Variants in ABTB3 observed in about 807,000 individuals in gnomAD.
ABTB3 encodes ankyrin repeat and BTB domain containing 3.
the ABTB3 span, among the ~76,000 whole-genome samples, chr12:107,534,179 C>T: frequency 3.6e-3 from 536 of 150,718 alleles, 1 homozygote; most frequent in Non-Finnish European, 5.9e-3. Flanking sequence ...CACTTCGTTC[C>T]AGCCTGGGTA....
chr12:107,435,798 AT>A, the ABTB3 span, among the ~76,000 whole-genome samples: 1 of 152,174 alleles, frequency 6.6e-6, no homozygotes, highest in South Asian at 2.1e-4. Context: ...CTGAAGTGGA[AT>A]TACAGGACCA....
chr12:107,626,086 T>C, the ABTB3 span, among the ~76,000 whole-genome samples: 1 of 152,064 alleles, frequency 6.6e-6, no homozygotes, highest in Non-Finnish European at 1.5e-5. Flanking sequence ...CAATGTCAAG[T>C]ATGGGATGAT....
the ABTB3 span, among the ~76,000 whole-genome samples, chr12:107,573,173 T>A: frequency 6.6e-6 from 1 of 152,204 alleles, no homozygotes; most frequent in African/African-American, 2.4e-5. Context: ...GTATTGTGCA[T>A]AATCAGGGTG....
At chr12:107,649,129 T>G in the ABTB3 span, 1 of 1,340,974 alleles carries the variant, frequency 7.5e-7, no homozygotes. Flanking sequence ...GAACTAAGCC[T>G]GAGTTGGGGC....
At chr12:107,549,954 T>G in the ABTB3 span, among the ~76,000 whole-genome samples, 1 of 152,186 alleles carries the variant, frequency 6.6e-6, no homozygotes, top group Non-Finnish European at 1.5e-5. Flanking sequence ...CAATCACCCA[T>G]GTAGATCTCA....
At chr12:107,651,538 C>G in the ABTB3 span, 1 of 573,738 alleles carries the variant, frequency 1.7e-6, no homozygotes, top group Non-Finnish European at 3.2e-6. Flanking sequence ...TACCTTTGTG[C>G]ATCATTTCCC....
At chr12:107,510,170 A>G in the ABTB3 span, among the ~76,000 whole-genome samples, 12 of 152,240 alleles carry the variant, frequency 7.9e-5, no homozygotes, top group East Asian at 9.7e-4. Flanking sequence ...GCTGCACCCC[A>G]GCTGCTTCCT....
chr12:107,358,595 A>G, the ABTB3 span, among the ~76,000 whole-genome samples: 1 of 132,890 alleles, frequency 7.5e-6, no homozygotes, highest in African/African-American at 2.6e-5. Context: ...TCCACCATCT[A>G]TTTGTTTTTT....
the ABTB3 span, among the ~76,000 whole-genome samples, chr12:107,425,697 T>C: frequency 3.3e-5 from 5 of 152,182 alleles, no homozygotes; most frequent in Non-Finnish European, 5.9e-5. Flanking sequence ...TCAGATCTTA[T>C]CAGATCACTC....
chr12:107,516,424 G>A, the ABTB3 span, among the ~76,000 whole-genome samples: 1 of 152,022 alleles, frequency 6.6e-6, no homozygotes, highest in Non-Finnish European at 1.5e-5. Flanking sequence ...TAGAGACGGG[G>A]TTTCACCATG....
the ABTB3 span, among the ~76,000 whole-genome samples, chr12:107,448,232 A>C: frequency 1.3e-3 from 197 of 152,336 alleles, 1 homozygote; most frequent in African/African-American, 2.2e-3. Flanking sequence ...AAAAATGAGG[A>C]TCTTTCAAGG....
chr12:107,484,635 C>T, the ABTB3 span, among the ~76,000 whole-genome samples: 1 of 149,732 alleles, frequency 6.7e-6, no homozygotes, highest in Non-Finnish European at 1.5e-5. Context: ...CTGGTTGTTG[C>T]ATTGAGAATA....
At chr12:107,370,220 C>T in the ABTB3 span, among the ~76,000 whole-genome samples, 1 of 152,216 alleles carries the variant, frequency 6.6e-6, no homozygotes, top group Non-Finnish European at 1.5e-5. Flanking sequence ...GCCTCTTGTT[C>T]TCGCCTGCTA....
chr12:107,319,813 CGGGGGAGGAGCGGCGAGCGGCGGCGCCT>C, the ABTB3 span: 2 of 1,330,272 alleles, frequency 1.5e-6, no homozygotes, highest in Non-Finnish European at 2.0e-6. Flanking sequence ...GGGAGGCGCC[CGGGGGAGGAGCGGCGAGCGGCGGCGCCT>C]GCAGCGCAGC....
chr12:107,643,951 A>T, the ABTB3 span, among the ~76,000 whole-genome samples: 1 of 151,850 alleles, frequency 6.6e-6, no homozygotes, highest in African/African-American at 2.4e-5. Flanking sequence ...TTTTATAGAG[A>T]TTGGGTTTTG....
the ABTB3 span, among the ~76,000 whole-genome samples, chr12:107,653,626 C>T: frequency 6.6e-6 from 1 of 152,134 alleles, no homozygotes; most frequent in Non-Finnish European, 1.5e-5. Context: ...GGCACCTGTG[C>T]TAAGAGCCTT....
the ABTB3 span, among the ~76,000 whole-genome samples, chr12:107,578,716 C>T: frequency 5.5e-4 from 84 of 152,200 alleles, no homozygotes; most frequent in African/African-American, 1.8e-3. Flanking sequence ...TTCAAGTCAG[C>T]GTGTGTTTAT....
chr12:107,578,383 C>CTTTTTTTTT, the ABTB3 span, among the ~76,000 whole-genome samples: 157 of 57,202 alleles, frequency 2.7e-3, 3 homozygotes, highest in East Asian at 4.8e-3. Context: ...CTTTCTTCTT[C>CTTTTTTTTT]TTTTTTTTTT....
At chr12:107,577,895 C>T in the ABTB3 span, among the ~76,000 whole-genome samples, 5 of 152,126 alleles carry the variant, frequency 3.3e-5, no homozygotes, top group Non-Finnish European at 5.9e-5. Context: ...TGATGTTCAA[C>T]AAAGTCTAAG....
Sources: gnomAD v4.1 joint callset for allele counts (sites outside exome capture counted in the v4.1 genomes callset) on GRCh38, gnomAD v4.1.1 for gene constraint, MANE v1.5 for transcripts, NCBI Gene and HGNC (gene_info 2026-07-23, HGNC 2026-07-21) for gene names.